Variants in MACROD1 observed in about 807,000 individuals in gnomAD.
MACROD1 encodes the protein mono-ADP ribosylhydrolase 1, also known as ADP-ribose glycohydrolase MACROD1.
In MACROD1, 31 loss-of-function variants were observed where a neutral mutation model predicts 41.4. The observed-to-expected ratio is 0.75, with a 90% CI of 0.56 to 1.01. The LOEUF is 1.01. MACROD1 is among the 50% of genes least tolerant of loss of function. MACROD1 has a pLI of 0.00. For synonymous variants in MACROD1, 252 were observed against 203.4 expected, an observed-to-expected ratio of 1.24 and a Z score of -2.03; for missense variants, 473 against 460.0, an observed-to-expected ratio of 1.03 and a Z score of -0.26.
At chr11:64,117,756 C>T in intron 3 of MACROD1, 1 of 1,614,096 alleles carries the variant, frequency 6.2e-7, no homozygotes, top group Non-Finnish European at 8.5e-7. Context: ...GCTGACAGCC[C>T]TGGAGCCCAA....
At chr11:64,056,126 A>C (rs1471154269) in intron 3 of MACROD1, among the ~76,000 whole-genome samples, 4 of 152,118 alleles carry the variant, frequency 2.6e-5, no homozygotes, top group Non-Finnish European at 4.4e-5. Context: ...GGCAATAAGC[A>C]GCCCCGGCAG....
chr11:64,057,518 C>T (rs1943811566), intron 3 of MACROD1, among the ~76,000 whole-genome samples: 2 of 152,228 alleles, frequency 1.3e-5, no homozygotes, highest in African/African-American at 4.8e-5. Context: ...AAGCCCAGCT[C>T]TCCAGGCCAA....
chr11:64,065,789 C>CA (rs58096977), intron 3 of MACROD1, among the ~76,000 whole-genome samples: 1,384 of 67,378 alleles, frequency 0.021, 21 homozygotes, highest in African/African-American at 0.043. Context: ...GACTCCGCCT[C>CA]AAAAAAAAAA....
chr11:64,003,764 T>G (rs916432901), intron 4 of MACROD1, among the ~76,000 whole-genome samples: 6 of 152,214 alleles, frequency 3.9e-5, no homozygotes, highest in Non-Finnish European at 8.8e-5. Flanking sequence ...CTAAAGGGCC[T>G]CGCCCTGAAC....
rs1565189909 is a variant in MACROD1 at position 64,001,865 on chromosome 11, T to C, written c.548-1522A>G. ...GGGCTGTGGAGCTGGGCAACGTGAG[T>C]TCACATCCTGGCTCTGCCAGCCACA... On this transcript the variant is annotated intron_variant, in intron 4 of 10. Coordinates refer to ENST00000255681, the MANE Select transcript of MACROD1 (RefSeq NM_014067.4). 4.5e-6 allele frequency: 3 copies of C among 671,496 alleles called. No homozygotes were observed. The East Asian group carries it at 8.2e-5, about 18-fold the overall frequency. 41.6% of individuals were successfully genotyped at this position (671,496 alleles called of 1,614,324 possible). A position where few individuals can be genotyped will look rare whatever the true frequency, so the allele number is the denominator to read the frequency against.
chr11:64,095,701 G>A (rs538093346), intron 3 of MACROD1, among the ~76,000 whole-genome samples: 3 of 152,332 alleles, frequency 2.0e-5, no homozygotes, highest in East Asian at 3.9e-4. Context: ...GTCTGAGGAG[G>A]GCTGGGTTTC....
intron 3 of MACROD1, among the ~76,000 whole-genome samples, chr11:64,032,049 C>T (rs533601321): frequency 2.4e-4 from 36 of 152,320 alleles, no homozygotes; most frequent in African/African-American, 8.4e-4. Context: ...CCTGGGATGG[C>T]TTCATGCCTG....
At chr11:64,048,339 C>T (rs1410859398) in intron 3 of MACROD1, among the ~76,000 whole-genome samples, 11 of 152,242 alleles carry the variant, frequency 7.2e-5, no homozygotes, top group Admixed American at 7.2e-4. Context: ...TGCACTGTCC[C>T]TGCCCTGACC....
chr11:64,093,657 C>T (rs1207785634), intron 3 of MACROD1, among the ~76,000 whole-genome samples: 1 of 152,240 alleles, frequency 6.6e-6, no homozygotes. Context: ...CTGCCCTCTT[C>T]CCTGGACAGG....
At position 64,118,219 on chromosome 11, in the gene MACROD1, A is replaced by G. The variant is rs528544288; in HGVS notation, c.517+33020T>C. The G allele has an allele frequency of 2.5e-6, 4 of 1,613,058 alleles. No individual in the cohort carries two copies. In the Admixed American group the frequency reaches 6.7e-5, roughly 27 times the overall value. On this transcript the variant is annotated intron_variant, in intron 3 of 10. Transcript: ENST00000255681. ...GGCAGCAGCCTCTGCAAGGCCACAC[A>G]CACCATTGGCTACGGCACCACGCGG...
At chr11:64,138,447 C>G in intron 3 of MACROD1, 1 of 919,716 alleles carries the variant, frequency 1.1e-6, no homozygotes, top group Non-Finnish European at 1.3e-6. Flanking sequence ...CCATTTGCTT[C>G]GTAGATTTTA....
At chr11:64,062,851 C>T (rs1590856806) in intron 3 of MACROD1, among the ~76,000 whole-genome samples, 1 of 152,200 alleles carries the variant, frequency 6.6e-6, no homozygotes, top group African/African-American at 2.4e-5. Context: ...GCAGGGGCAC[C>T]TCCACCCCGG....
Position 63,998,659 on chromosome 11 carries a change from G to C in MACROD1, c.*59C>G. ...GGCTGCAGGCTTTGGCGACCTCTCAGAGCTGGGAGCGGGGTCCCGAAGGCG... is the reference window on the plus strand; with the variant it reads ...GGCTGCAGGCTTTGGCGACCTCTCACAGCTGGGAGCGGGGTCCCGAAGGCG... On this transcript the variant is annotated 3_prime_UTR_variant, in exon 11 of 11. Transcript: ENST00000255681. 1 of 1,333,010 alleles carries C rather than the reference G, an allele frequency of 7.5e-7. No homozygotes were observed. Among genetic ancestry groups the C allele is most frequent in the African/African-American group, 1.5e-5 (1 of 65,848 alleles). The allele number at this position is 1,333,010 out of a possible 1,614,324, so 82.6% of individuals were successfully genotyped here. A position where few individuals can be genotyped will look rare whatever the true frequency, so the allele number is the denominator to read the frequency against.
intron 3 of MACROD1, among the ~76,000 whole-genome samples, chr11:64,024,965 T>G (rs1433441000): frequency 6.6e-6 from 1 of 152,038 alleles, no homozygotes; most frequent in Non-Finnish European, 1.5e-5. Context: ...AGAAGCTATT[T>G]TATTGTTCTT....
rs1431088602 is a variant in MACROD1 at position 64,064,874 on chromosome 11, A to ATTCG, written c.518-49594_518-49593insCGAA. Among the ~76,000 whole-genome samples, 3 of 142,804 alleles carry ATTCG rather than the reference A, an allele frequency of 2.1e-5. No homozygotes were observed. Among genetic ancestry groups the ATTCG allele is most frequent in the African/African-American group, 5.8e-5 (2 of 34,720 alleles). 93.7% of individuals were successfully genotyped at this position (142,804 alleles called of 152,430 possible). A position where few individuals can be genotyped will look rare whatever the true frequency, so the allele number is the denominator to read the frequency against. On this transcript the variant is annotated intron_variant, in intron 3 of 10. Transcript: ENST00000255681. The surrounding 1 kb of genome is among the most constrained non-coding windows in gnomAD (Gnocchi z 4.5). Reference sequence around the variant, plus strand: ...CATTCATTCATTCATTCATTCATTCATTTGATGAGTGCTTCCAGAGCCCAC... The same window carrying ATTCG: ...CATTCATTCATTCATTCATTCATTCATTCGTTTGATGAGTGCTTCCAGAGCCCAC...
At position 64,143,743 on chromosome 11, in the gene MACROD1, G is replaced by GACAC. The variant is rs1355483787; in HGVS notation, c.517+7492_517+7495dup. On this transcript the variant is annotated intron_variant, in intron 3 of 10. Coordinates refer to ENST00000255681, the MANE Select transcript of MACROD1 (RefSeq NM_014067.4). ...GGAGGTATTCCCTTCCCCCAACCCC[G>GACAC]ACACACACATACACACACACACACA... Among the ~76,000 whole-genome samples, 197 of 71,440 alleles carry GACAC rather than the reference G, an allele frequency of 2.8e-3. 5 individuals are homozygous for GACAC. The highest frequency in any genetic ancestry group is 0.014 in the African/African-American group (158 of 11,230). 46.9% of individuals were successfully genotyped at this position (71,440 alleles called of 152,430 possible). A position where few individuals can be genotyped will look rare whatever the true frequency, so the allele number is the denominator to read the frequency against.
At chr11:64,033,537 AT>A (rs887844739) in intron 3 of MACROD1, among the ~76,000 whole-genome samples, 2 of 150,142 alleles carry the variant, frequency 1.3e-5, no homozygotes. Context: ...CAGGTGCCTA[AT>A]TTTTTTTTTA....
intron 3 of MACROD1, among the ~76,000 whole-genome samples, chr11:64,062,709 C>T (rs1295972379): frequency 2.6e-5 from 4 of 152,312 alleles, no homozygotes; most frequent in South Asian, 2.1e-4. Flanking sequence ...CCAGTGTGCC[C>T]GTCCTGCCCC....
intron 1 of MACROD1, among the ~76,000 whole-genome samples, chr11:64,154,535 G>C (rs1288704045): frequency 1.3e-5 from 2 of 151,840 alleles, no homozygotes; most frequent in South Asian, 4.2e-4. Context: ...CATAAATCAG[G>C]TGCCATCCCT....
Sources: gnomAD v4.1 joint callset for allele counts (sites outside exome capture counted in the v4.1 genomes callset) on GRCh38, gnomAD v4.1.1 for gene constraint, Gnocchi (gnomAD v3.1) non-coding constraint, MANE v1.5 for transcripts, NCBI Gene and HGNC (gene_info 2026-07-23, HGNC 2026-07-21) for gene names.